Variants in SOCS7 observed in about 807,000 individuals in gnomAD.
The protein encoded by SOCS7 is NAP-4.
A neutral mutation model predicts 58.9 loss-of-function variants in SOCS7; 18 were observed. The ratio of observed to expected loss-of-function variants is 0.31; its 90% CI spans 0.21 to 0.45. The LOEUF (loss-of-function observed/expected upper bound fraction) is 0.45, where lower values mean the gene tolerates loss of function less well. Among genes scored for constraint, SOCS7 ranks in the 20% least tolerant of loss-of-function variants. SOCS7 has a pLI of 1.00. For synonymous variants in SOCS7, 388 were observed against 364.3 expected (o/e 1.06, Z -0.74); for missense variants, 667 against 837.3 (o/e 0.80, Z 2.51).
intron 6 of SOCS7, among the ~76,000 whole-genome samples, chr17:38,372,057 G>A (rs1435363101): frequency 6.6e-6 from 1 of 152,018 alleles, no homozygotes; most frequent in African/African-American, 2.4e-5. Flanking sequence ...AGTATATATA[G>A]TTGACCCTTG....
At chr17:38,363,317 T>G (rs972975801) in intron 2 of SOCS7, among the ~76,000 whole-genome samples, 7 of 152,150 alleles carry the variant, frequency 4.6e-5, no homozygotes, top group African/African-American at 1.7e-4. Context: ...TGGTACCAGC[T>G]TTCTAGAACT....
rs1429777685 is a variant in SOCS7, at chr17:38,351,900, C to A, written c.-153C>A. Among the ~76,000 whole-genome samples, 1 of 149,192 alleles carries A rather than the reference C, an allele frequency of 6.7e-6. No individual in the cohort carries two copies. Among genetic ancestry groups the A allele is most frequent in the Admixed American group, 6.6e-5 (1 of 15,120 alleles). On this transcript the variant is annotated 5_prime_UTR_variant, in exon 1 of 10. Transcript: ENST00000612932. ...CGCGGCCTGGGCTCGCGCTGGGCTC[C>A]GCGCGCCCCCCGCCCCCCTCTATGA... is the stretch of plus-strand genomic sequence containing the variant.
intron 6 of SOCS7, among the ~76,000 whole-genome samples, chr17:38,375,068 G>C (rs1567743370): frequency 1.3e-5 from 2 of 152,148 alleles, no homozygotes; most frequent in Non-Finnish European, 1.5e-5. Context: ...ACCAGCCTGG[G>C]CTGGTAGCTT....
intron 1 of SOCS7, among the ~76,000 whole-genome samples, chr17:38,353,684 A>C (rs1160814794): frequency 6.6e-6 from 1 of 152,140 alleles, no homozygotes; most frequent in African/African-American, 2.4e-5. Context: ...AGGGCGGATC[A>C]CCTGAGCTCA....
chr17:38,375,692 A>T (rs921892284), intron 6 of SOCS7: 2 of 152,136 alleles, frequency 1.3e-5, no homozygotes, highest in South Asian at 4.1e-4. Context: ...GGCCATTGGG[A>T]TAGGGTTCAT....
At chr17:38,370,955 CTG>C (rs1174440547) in intron 6 of SOCS7, among the ~76,000 whole-genome samples, 3 of 152,096 alleles carry the variant, frequency 2.0e-5, no homozygotes, top group Admixed American at 6.6e-5. Flanking sequence ...GGCCTTATAA[CTG>C]GAATTTTTAA....
chr17:38,387,918 T>C (rs1255733942), intron 7 of SOCS7, among the ~76,000 whole-genome samples: 3 of 151,328 alleles, frequency 2.0e-5, no homozygotes, highest in African/African-American at 7.3e-5. Context: ...TACAGGCACG[T>C]GCCACTACAC....
intron 7 of SOCS7, among the ~76,000 whole-genome samples, chr17:38,389,905 A>ATATATATGTACATATATATATG (rs2038145326): frequency 6.5e-5 from 7 of 107,082 alleles, no homozygotes; most frequent in Non-Finnish European, 9.4e-5. Flanking sequence ...ATATACACAT[A>ATATATATGTACATATATATATG]TAGAGAGAGA....
At chr17:38,368,725 C>T (rs755269272) in intron 6 of SOCS7, among the ~76,000 whole-genome samples, 1 of 152,152 alleles carries the variant, frequency 6.6e-6, no homozygotes, top group African/African-American at 2.4e-5. Context: ...TGGTCTCAAA[C>T]TCCTGACCTC....
chr17:38,364,928 G>GGGCC, intron 3 of SOCS7, 72 bp downstream of exon 3: 3 of 1,180,830 alleles, frequency 2.5e-6, no homozygotes, highest in Non-Finnish European at 3.7e-6. Flanking sequence ...TCTTTGCTGG[G>GGGCC]GGCCGACCAC....
intron 2 of SOCS7, 29 bp from the exon 3 acceptor site, chr17:38,364,723 G>C (rs1555568035): frequency 6.3e-7 from 1 of 1,594,620 alleles, no homozygotes; most frequent in East Asian, 2.2e-5. Flanking sequence ...AGGCGCTTCT[G>C]TAACTTGCTT....
chr17:38,352,939 G>T lies in SOCS7; in HGVS notation c.887G>T (p.Gly296Val). 6.2e-7 allele frequency: 1 copy of T among 1,607,840 alleles called. No homozygotes were observed. The highest frequency in any genetic ancestry group is 8.5e-7 in the Non-Finnish European group (1 of 1,178,444). ...AACGGTGGCTCCGGCGGTGGGGATG[G>T]GACCGGCAAGAGGCCTTCTGGAGAG... ...SCNGGSGGGDGTGKRPSGELA... is the reference protein window; with the variant it reads ...SCNGGSGGGDVTGKRPSGELA... Residue 296 changes from glycine (G) to valine (V), a missense_variant, in exon 1 of 10, where the codon GGG (glycine) becomes GTG (valine). By Grantham distance (109) the Gly-to-Val change is moderately radical (BLOSUM62 -3). This residue lies in a region of SOCS7 where 208 missense variants were observed against 190.3 expected (regional missense o/e 1.09). Coordinates refer to ENST00000612932, the MANE Select transcript of SOCS7 (RefSeq NM_014598.4). The surrounding 1 kb of genome is among the most constrained non-coding windows in gnomAD (Gnocchi z 5.5).
At chr17:38,369,279 A>C (rs909139682) in intron 6 of SOCS7, among the ~76,000 whole-genome samples, 4 of 152,180 alleles carry the variant, frequency 2.6e-5, no homozygotes, top group African/African-American at 9.7e-5. Context: ...CAGGCCCCAC[A>C]GCATCTTCCC....
intron 9 of SOCS7, among the ~76,000 whole-genome samples, chr17:38,398,492 C>T (rs911754550): frequency 2.0e-4 from 31 of 152,132 alleles, no homozygotes; most frequent in African/African-American, 6.8e-4. Context: ...AGTGATCCAC[C>T]CACCTTGGCC....
intron 7 of SOCS7, among the ~76,000 whole-genome samples, chr17:38,385,428 C>T (rs1467602795): frequency 2.0e-5 from 3 of 148,134 alleles, no homozygotes; most frequent in Admixed American, 1.3e-4. Flanking sequence ...ATTACTTCAT[C>T]TGAATTTCTT....
At chr17:38,388,067 C>T (rs946895413) in intron 7 of SOCS7, among the ~76,000 whole-genome samples, 19 of 151,636 alleles carry the variant, frequency 1.3e-4, no homozygotes, top group African/African-American at 2.4e-4. Flanking sequence ...TGTGAACCAC[C>T]GTGCCTGGCC....
At chr17:38,381,933 A>G (rs2038005648) in intron 7 of SOCS7, among the ~76,000 whole-genome samples, 1 of 140,258 alleles carries the variant, frequency 7.1e-6, no homozygotes, top group African/African-American at 2.9e-5. Flanking sequence ...ACTGCACTCC[A>G]AAGACTCTGT....
In SOCS7 at chr17:38,361,728, G is replaced by C; in HGVS notation, c.998G>C (p.Arg333Thr). 1 of 1,613,610 alleles carries C rather than the reference G, an allele frequency of 6.2e-7. No homozygotes were observed. Among genetic ancestry groups the C allele is most frequent in the South Asian group, 1.1e-5 (1 of 91,066 alleles). Residue 333 changes from arginine (R) to threonine (T), a missense_variant, in exon 2 of 10, where the codon AGA becomes ACA. This residue lies in a region of SOCS7 where 16 missense variants were observed against 32.7 expected (regional missense o/e 0.49). Transcript: ENST00000612932. ...CTCCCTAGGAAACCCAAGTTGACAA[G>C]AACTCAAAGTGCCTTTTCTCCGGTC... Reference protein sequence around the residue: ...LDAGRKPKLTRTQSAFSPVSF... With the variant: ...LDAGRKPKLTTTQSAFSPVSF...
intron 9 of SOCS7, among the ~76,000 whole-genome samples, chr17:38,398,473 C>G (rs745634329): frequency 6.6e-6 from 1 of 152,032 alleles, no homozygotes; most frequent in African/African-American, 2.4e-5. Context: ...AAACTCCTGA[C>G]CTCACTCAAG....
Sources: allele counts gnomAD v4.1 joint callset (sites outside exome capture counted in the v4.1 genomes callset), GRCh38; gene constraint gnomAD v4.1.1; regional missense constraint gnomAD v4.1.1; non-coding constraint Gnocchi (gnomAD v3.1); transcripts MANE v1.5; gene names NCBI Gene and HGNC (gene_info 2026-07-23, HGNC 2026-07-21).